Variants in FAM83H observed in about 807,000 individuals in gnomAD.
The protein encoded by FAM83H is scaffolding CK1 anchoring protein H.
FAM83H carries 24 observed loss-of-function variants against 30.2 expected under a neutral mutation model. The ratio of observed to expected loss-of-function variants is 0.79; its 90% confidence interval spans 0.57 to 1.12. The LOEUF is 1.12. Ranked by LOEUF, FAM83H falls within the 50% of genes most tolerant of loss-of-function variation. The pLI is 0.00. For synonymous variants in FAM83H, 1,013 were observed against 821.7 expected, an observed-to-expected ratio of 1.23 and a Z score of -3.98; for missense variants, 2,038 against 1,773.9, an observed-to-expected ratio of 1.15 and a Z score of -2.67.
chr8:143,726,109 G>C lies in FAM83H; in HGVS notation c.3352C>G (p.Arg1118Gly). 6.2e-7 allele frequency: 1 copy of C among 1,611,314 alleles called. No individual in the cohort carries two copies. Among genetic ancestry groups the C allele is most frequent in the South Asian group, 1.1e-5 (1 of 90,882 alleles). ...TLPASAEERD[R>G]LLRRMESMRK... ...ATGCTCTCCATGCGGCGCAGCAGCC[G>C]ATCGCGCTCCTCCGCGCTGGCTGGC... Residue 1118 changes from arginine to glycine, a missense_variant, in exon 5 of 5, where the codon CGG (arginine) becomes GGG (glycine). Transcript: ENST00000388913.
At chr8:143,732,646 G>A in intron 1 of FAM83H, 1 of 985,410 alleles carries the variant, frequency 1.0e-6, no homozygotes, top group South Asian at 4.7e-5. Flanking sequence ...CGTCCTCACA[G>A]GGTGATGCCC....
At position 143,728,077 on chromosome 8, in the gene FAM83H, G is replaced by T; in HGVS notation, c.1384C>A (p.Pro462Thr). ...TGCGGGCGCGCCGGCGTGAGCTGCG[G>T]GTCCCACTGGTACTGCTGCTGGTAG... Reference protein sequence around the residue: ...QLYQQQYQWDPQLTPARPQGL... With the variant: ...QLYQQQYQWDTQLTPARPQGL... Residue 462 changes from proline (P) to threonine (T), a missense_variant, in exon 5 of 5, where the codon CCG (proline) becomes ACG (threonine). Pro to Thr is a conservative substitution (Grantham distance 38). Transcript: ENST00000388913. 1 of 1,610,682 alleles carries T rather than the reference G, an allele frequency of 6.2e-7. No homozygotes were observed.
intron 1 of FAM83H, chr8:143,731,903 T>A (rs1818535852): frequency 9.1e-6 from 9 of 985,420 alleles, no homozygotes; most frequent in Non-Finnish European, 1.1e-5. Flanking sequence ...ACAGGGTCAC[T>A]GAGCTACCTG....
rs781790060 is a variant in FAM83H, at chr8:143,726,389, G to C, written c.3072C>G (p.Ser1024=). The C allele has an allele frequency of 9.3e-6, 15 of 1,608,788 alleles. No individual in the cohort carries two copies. In the African/African-American group the frequency reaches 1.9e-4, roughly 20 times the overall value. ...TEERGPRARL[S]SATANALYSS... ...TGTACAAGGCGTTGGCCGTGGCTGA[G>C]GACAGGCGCGCCCGCGGACCCCGCT... Residue 1024 remains serine (S), a synonymous_variant, in exon 5 of 5, where the codon TCC becomes TCG. Transcript: ENST00000388913.
chr8:143,727,227 G>A lies in FAM83H; in HGVS notation c.2234C>T (p.Ala745Val). 3.3e-6 allele frequency: 5 copies of A among 1,534,488 alleles called. No homozygotes were observed. The highest frequency in any genetic ancestry group is 4.4e-6 in the Non-Finnish European group (5 of 1,145,978). ...GCCCGCGCCGCCGCCGGGATCACGG[G>A]CTGGGCCCTTGTACTTCTCCAGCAG... Reference protein sequence around the residue: ...AELLEKYKGPARDPGGGAGAI... With the variant: ...AELLEKYKGPVRDPGGGAGAI... Residue 745 changes from alanine (A) to valine (V), a missense_variant, in exon 5 of 5, where the codon GCC (alanine) becomes GTC (valine). Physicochemically the swap from Ala to Val is moderately conservative, Grantham distance 64. Coordinates refer to ENST00000388913, the MANE Select transcript of FAM83H (RefSeq NM_198488.5).
Position 143,728,604 on chromosome 8 carries a change from G to C in FAM83H, c.857C>G (p.Pro286Arg), listed in dbSNP as rs782672154. 8 of 1,608,618 alleles carry C rather than the reference G, an allele frequency of 5.0e-6. No individual in the cohort carries two copies. In the Admixed American group the frequency reaches 1.3e-4, roughly 27 times the overall value. Residue 286 changes from proline (P) to arginine (R), a missense_variant, in exon 5 of 5, where the codon CCC becomes CGC. Transcript: ENST00000388913. ...ILFAQSEPLV[P>R]SAAALARMDA... Reference sequence around the variant, plus strand: ...CATGCGGGCCAGGGCCGCGGCCGAGGGCACAAGCGGCTCGGACTGCGCGAA... The same window carrying C: ...CATGCGGGCCAGGGCCGCGGCCGAGCGCACAAGCGGCTCGGACTGCGCGAA...
intron 1 of FAM83H, chr8:143,732,612 G>A (rs979317810): frequency 1.1e-5 from 11 of 985,256 alleles, no homozygotes; most frequent in Non-Finnish European, 1.3e-5. Context: ...CCCGTGGCCA[G>A]GAGCCCTCCC....
At chr8:143,730,652 C>T (rs782587445) in intron 1 of FAM83H, 55 bp from the exon 2 acceptor site, 134 of 1,237,310 alleles carry the variant, frequency 1.1e-4, no homozygotes, top group South Asian at 6.3e-4. Flanking sequence ...ACCACTCCTA[C>T]CCTCGAGCAT....
At chr8:143,732,212 G>A (rs1818545712) in intron 1 of FAM83H, 1 of 985,284 alleles carries the variant, frequency 1.0e-6, no homozygotes, top group Admixed American at 6.1e-5. Context: ...GAAATACCTG[G>A]TGCCACTCAA....
chr8:143,728,181 C>G lies in FAM83H; in HGVS notation c.1280G>C (p.Arg427Pro). The G allele has an allele frequency of 6.2e-7, 1 of 1,605,906 alleles. No individual in the cohort carries two copies. The highest frequency in any genetic ancestry group is 2.2e-5 in the East Asian group (1 of 44,724). ...GAGGAACGTCTGCCGCGACACCTGC[C>G]GCGCGGCCGCGAAGTTCTCCACGGC... ...AGAVENFAAA[R>P]QVSRQTFLSH... The change falls in exon 5 of 5, where the codon CGG becomes CCG. Residue 427 changes from arginine to proline, a missense_variant. Coordinates refer to ENST00000388913, the MANE Select transcript of FAM83H (RefSeq NM_198488.5).
rs1435867044 is a variant in FAM83H at position 143,724,248 on chromosome 8, T to TCTG, written c.*1672_*1673insCAG. 2 of 152,138 alleles carry TCTG rather than the reference T, an allele frequency of 1.3e-5. No individual in the cohort carries two copies. The highest frequency in any genetic ancestry group is 2.9e-5 in the Non-Finnish European group (2 of 68,012). 9.4% of individuals were successfully genotyped at this position (152,138 alleles called of 1,614,324 possible). A position where few individuals can be genotyped will look rare whatever the true frequency, so the allele number is the denominator to read the frequency against. ...TGGTAACCAGTGGGCTGTGCAGGAG[T>TCTG]GAAAGTGGGGTCACTTTCCTTCCTT... On this transcript the variant is annotated 3_prime_UTR_variant, in exon 5 of 5. Transcript: ENST00000388913.
rs1208633729 is a variant in FAM83H, at chr8:143,733,528, C to T, written c.-16+163G>A. Among the ~76,000 whole-genome samples the T allele has an allele frequency of 4.6e-5, 7 of 151,868 alleles. No homozygotes were observed. The highest frequency in any genetic ancestry group is 1.4e-4 in the African/African-American group (6 of 41,416). Reference sequence around the variant, plus strand: ...CCCTGTCCGAGCAGCCCCGCCACCCCGGCCCCGCGCACGCGGCCGCGCTCC... The same window carrying T: ...CCCTGTCCGAGCAGCCCCGCCACCCTGGCCCCGCGCACGCGGCCGCGCTCC... On this transcript the variant is annotated intron_variant, in intron 1 of 4. Coordinates refer to ENST00000388913, the MANE Select transcript of FAM83H (RefSeq NM_198488.5). This position sits in a 1 kb window ranked among gnomAD's most constrained non-coding sequence, Gnocchi z 5.6.
At position 143,729,106 on chromosome 8, in the gene FAM83H, G is replaced by A. The variant is rs782572981; in HGVS notation, c.613-15C>T. 1.9e-6 allele frequency: 3 copies of A among 1,613,608 alleles called. No individual in the cohort carries two copies. The highest frequency in any genetic ancestry group is 8.5e-7 in the Non-Finnish European group (1 of 1,179,990). On this transcript the variant is annotated splice_polypyrimidine_tract_variant and intron_variant, in intron 3 of 4. Coordinates refer to ENST00000388913, the MANE Select transcript of FAM83H (RefSeq NM_198488.5). ...ACGCGCAGGAACTGGGGAGGGAGGG[G>A]AGTCAGATCTCTCCCACGGGTCCTC...
rs1554623208 is a variant in FAM83H, at chr8:143,728,209, C to T, written c.1252G>A (p.Gly418Ser). 1 of 1,600,232 alleles carries T rather than the reference C, an allele frequency of 6.2e-7. No homozygotes were observed. The highest frequency in any genetic ancestry group is 1.3e-5 in the African/African-American group (1 of 74,620). The change falls in exon 5 of 5, where the codon GGC (glycine) becomes AGC (serine). Residue 418 changes from glycine to serine, a missense_variant. Transcript: ENST00000388913. ...KRHSFATEGAGAVENFAAARQ... is the reference protein window; with the variant it reads ...KRHSFATEGASAVENFAAARQ... ...GCGGCCGCGAAGTTCTCCACGGCGC[C>T]CGCGCCCTCGGTCGCGAAGCTGTGC...
Position 143,727,569 on chromosome 8 carries a change from C to A in FAM83H, c.1892G>T (p.Arg631Leu), listed in dbSNP as rs782636199. Residue 631 changes from arginine to leucine, a missense_variant, in exon 5 of 5, where the codon CGC becomes CTC. Arg to Leu is a moderately radical substitution (Grantham distance 102). Transcript: ENST00000388913. The part of the protein sequence containing the change: ...PAGDLLPSAF[R>L]VPAAFPTKVP... ...CTTGGTGGGGAAGGCTGCTGGGACG[C>A]GGAAGGCCGAGGGGAGCAGGTCGCC... is the stretch of plus-strand genomic sequence containing the variant. 1 of 1,587,154 alleles carries A rather than the reference C, an allele frequency of 6.3e-7. No individual in the cohort carries two copies. The highest frequency in any genetic ancestry group is 8.5e-7 in the Non-Finnish European group (1 of 1,173,862).
Position 143,728,008 on chromosome 8 carries a change from C to T in FAM83H, c.1453G>A (p.Asp485Asn). 1 of 1,597,400 alleles carries T rather than the reference C, an allele frequency of 6.3e-7. No individual in the cohort carries two copies. The highest frequency in any genetic ancestry group is 8.5e-7 in the Non-Finnish European group (1 of 1,177,406). The change falls in exon 5 of 5, where the codon GAC becomes AAC. Residue 485 changes from aspartate (D) to asparagine (N), a missense_variant. Physicochemically the swap from Asp to Asn is conservative, Grantham distance 23 (BLOSUM62 1). Transcript: ENST00000388913. ...KLRGGRAGFA[D>N]PDDFTLGAGP... ...GCGCCCAGGGTGAAGTCATCCGGGTCCGCGAAACCCGCGCGGCCCCCGCGA... is the reference window on the plus strand; with the variant it reads ...GCGCCCAGGGTGAAGTCATCCGGGTTCGCGAAACCCGCGCGGCCCCCGCGA...
At position 143,728,553 on chromosome 8, in the gene FAM83H, G is replaced by A; in HGVS notation, c.908C>T (p.Ala303Val). ...GACGCCCACGAGAGGCCCGGCCCCG[G>A]CATACGGAGCCAGGGCATAGGCGTC... ...RMDAYALAPY[A>V]GAGPLVGVPG... Residue 303 changes from alanine (A) to valine (V), a missense_variant, in exon 5 of 5, where the codon GCC becomes GTC. Transcript: ENST00000388913. 1.3e-6 allele frequency: 2 copies of A among 1,580,136 alleles called. No homozygotes were observed. The highest frequency in any genetic ancestry group is 1.3e-5 in the African/African-American group (1 of 74,226).
At position 143,727,805 on chromosome 8, in the gene FAM83H, G is replaced by T; in HGVS notation, c.1656C>A (p.Ala552=). ...PNLTQRFPCQ[A]AARPGPDPAP... is the part of the protein sequence containing the mutation. ...CGGGGTCTGGGCCCGGCCTCGCCGC[G>T]GCCTGGCATGGGAAGCGCTGGGTCA... is the stretch of plus-strand genomic sequence containing the variant. The change falls in exon 5 of 5, where the codon GCC becomes GCA. Residue 552 remains alanine (A), a synonymous_variant. Coordinates refer to ENST00000388913, the MANE Select transcript of FAM83H (RefSeq NM_198488.5). 3 of 1,338,838 alleles carry T rather than the reference G, an allele frequency of 2.2e-6. No individual in the cohort carries two copies. Among genetic ancestry groups the T allele is most frequent in the South Asian group, 3.8e-5 (2 of 52,872 alleles). 82.9% of individuals were successfully genotyped at this position (1,338,838 alleles called of 1,614,324 possible).
Position 143,727,249 on chromosome 8 carries a change from G to T in FAM83H, c.2212C>A (p.Leu738Met). The T allele has an allele frequency of 6.5e-7, 1 of 1,535,056 alleles. No individual in the cohort carries two copies. Among genetic ancestry groups the T allele is most frequent in the Admixed American group, 2.0e-5 (1 of 50,964 alleles). Residue 738 changes from leucine to methionine, a missense_variant, in exon 5 of 5, where the codon CTG becomes ATG. Transcript: ENST00000388913. ...SAASTKVAELLEKYKGPARDP... is the reference protein window; with the variant it reads ...SAASTKVAELMEKYKGPARDP... Reference sequence around the variant, plus strand: ...CGGGCTGGGCCCTTGTACTTCTCCAGCAGCTCCGCCACCTTGGTGGAAGCC... The same window carrying T: ...CGGGCTGGGCCCTTGTACTTCTCCATCAGCTCCGCCACCTTGGTGGAAGCC...
Sources: gnomAD v4.1 joint callset for allele counts (sites outside exome capture counted in the v4.1 genomes callset) on GRCh38, gnomAD v4.1.1 for gene constraint, Gnocchi (gnomAD v3.1) non-coding constraint, MANE v1.5 for transcripts, NCBI Gene and HGNC (gene_info 2026-07-23, HGNC 2026-07-21) for gene names.